Variants in XIRP2 observed in about 807,000 individuals in gnomAD.
The protein encoded by XIRP2 is xin actin-binding repeat-containing protein 2.
In XIRP2, 236 loss-of-function variants were observed where a neutral mutation model predicts 277.0. That is an observed-to-expected ratio of 0.85 (90% CI 0.77 to 0.95). The LOEUF is 0.95. Ranked by LOEUF, XIRP2 falls within the 40% of genes least tolerant of loss-of-function variation. The pLI, the probability that XIRP2 is intolerant of heterozygous loss-of-function variation, is 0.00. For missense variants in XIRP2, 4,640 were observed against 4,157.5 expected, an observed-to-expected ratio of 1.12 and a Z score of -3.19; for synonymous variants, 1,490 against 1,416.5, an observed-to-expected ratio of 1.05 and a Z score of -1.17.
In XIRP2 at chr2:167,248,102, C is replaced by T. The variant is rs986105046; in HGVS notation, c.6710C>T (p.Ala2237Val). The change falls in exon 9 of 11, where the codon GCA becomes GTA. Residue 2237 changes from alanine to valine, a missense_variant. By Grantham distance (64) the Ala-to-Val change is moderately conservative. Coordinates refer to ENST00000409195, the MANE Select transcript of XIRP2 (RefSeq NM_152381.6). ...VSEKSHNTFKATNKKRETDVH... is the reference protein window; with the variant it reads ...VSEKSHNTFKVTNKKRETDVH... ...GAAAAAAGTCACAATACATTTAAGG[C>T]AACCAACAAAAAGCGGGAGACTGAT... The T allele has an allele frequency of 2.5e-6, 4 of 1,613,010 alleles. No homozygotes were observed. Among genetic ancestry groups the T allele is most frequent in the Non-Finnish European group, 3.4e-6 (4 of 1,179,626 alleles).
Position 167,250,880 on chromosome 2 carries a change from C to T in XIRP2, c.9488C>T (p.Ser3163Phe). 1 of 1,613,044 alleles carries T rather than the reference C, an allele frequency of 6.2e-7. No individual in the cohort carries two copies. Among genetic ancestry groups the T allele is most frequent in the East Asian group, 2.2e-5 (1 of 44,772 alleles). ...CCAAGAAGGCCCATGTCGCAAAAAT[C>T]TGAAATTCACAGAGCAAACACTTCC... ...PPPRRPMSQK[S>F]EIHRANTSPS... Residue 3163 changes from serine to phenylalanine, a missense_variant, in exon 9 of 11, where the codon TCT (serine) becomes TTT (phenylalanine). By Grantham distance (155) the Ser-to-Phe change is radical. Coordinates refer to ENST00000409195, the MANE Select transcript of XIRP2 (RefSeq NM_152381.6).
At chr2:167,176,091 C>T (rs921198873) in intron 3 of XIRP2, among the ~76,000 whole-genome samples, 3 of 152,150 alleles carry the variant, frequency 2.0e-5, no homozygotes, top group Admixed American at 6.5e-5. Context: ...GACCACTTGG[C>T]TCCCTGGCTT....
Position 167,201,320 on chromosome 2 carries a change from C to CGAAGGAAG in XIRP2, c.563-9399_563-9392dup, listed in dbSNP as rs145180470. The stretch of plus-strand genomic sequence containing the variant: ...GGGAGGGAAGGAAGGAAGGAAAGAA[C>CGAAGGAAG]GAAGGAAGGAAGGAAGGAAGGAAAG... On this transcript the variant is annotated intron_variant, in intron 3 of 10. Coordinates refer to ENST00000409195, the MANE Select transcript of XIRP2 (RefSeq NM_152381.6). 7.3e-4 allele frequency among the ~76,000 whole-genome samples: 67 copies of CGAAGGAAG among 92,182 alleles called. 1 individual carries two copies. In the East Asian group the frequency reaches 8.9e-3, roughly 12 times the overall value. The allele number at this position is 92,182 out of a possible 152,430, so 60.5% of individuals were successfully genotyped here.
At position 167,246,347 on chromosome 2, in the gene XIRP2, A is replaced by G; in HGVS notation, c.4955A>G (p.Glu1652Gly). The change falls in exon 9 of 11, where the codon GAA (glutamate) becomes GGA (glycine). Residue 1652 changes from glutamate (E) to glycine (G), a missense_variant. Coordinates refer to ENST00000409195, the MANE Select transcript of XIRP2 (RefSeq NM_152381.6). ...TCAACTGAATTTCATGCTGAAAAAG[A>G]AGAGATAGTGAAAGGTGATGTACAA... ...NRSTEFHAEK[E>G]EIVKGDVQQA... 1 of 1,612,942 alleles carries G rather than the reference A, an allele frequency of 6.2e-7. No homozygotes were observed. Among genetic ancestry groups the G allele is most frequent in the Middle Eastern group, 1.7e-4 (1 of 6,052 alleles).
At chr2:167,096,457 G>T (rs1380763589) in intron 2 of XIRP2, among the ~76,000 whole-genome samples, 1 of 151,714 alleles carries the variant, frequency 6.6e-6, no homozygotes, top group Non-Finnish European at 1.5e-5. Flanking sequence ...TTATTAGTCT[G>T]GTTAGTGGTC....
intron 3 of XIRP2, among the ~76,000 whole-genome samples, chr2:167,200,697 T>C (rs1221080763): frequency 1.3e-5 from 2 of 152,220 alleles, no homozygotes; most frequent in African/African-American, 4.8e-5. Flanking sequence ...TATTCTTTTT[T>C]TTTCCTCTTC....
chr2:167,249,875 T>C lies in XIRP2; in HGVS notation c.8483T>C (p.Ile2828Thr), dbSNP rs1695416150. 3.1e-6 allele frequency: 5 copies of C among 1,613,400 alleles called. No homozygotes were observed. Among genetic ancestry groups the C allele is most frequent in the Non-Finnish European group, 4.2e-6 (5 of 1,179,704 alleles). Residue 2828 changes from isoleucine (I) to threonine (T), a missense_variant, in exon 9 of 11, where the codon ATT becomes ACT. By Grantham distance (89) the Ile-to-Thr change is moderately conservative. Transcript: ENST00000409195. ...GAAAAAAATCAGGGACCATCAATGATTGGTCGAAAAGAAGAGAGATTAATA... is the reference window on the plus strand; with the variant it reads ...GAAAAAAATCAGGGACCATCAATGACTGGTCGAAAAGAAGAGAGATTAATA... ...SEEKNQGPSM[I>T]GRKEERLITE...
chr2:167,181,568 T>C (rs1424900289), intron 3 of XIRP2, among the ~76,000 whole-genome samples: 1 of 149,226 alleles, frequency 6.7e-6, no homozygotes, highest in Admixed American at 6.6e-5. Context: ...AAGAAGCCTA[T>C]CAAGAACATC....
chr2:167,055,959 G>A (rs1343171238), intron 2 of XIRP2, among the ~76,000 whole-genome samples: 1 of 152,090 alleles, frequency 6.6e-6, no homozygotes, highest in Non-Finnish European at 1.5e-5. Flanking sequence ...TTATAATTAT[G>A]TAATGTACCC....
chr2:167,114,605 C>A (rs1241989542), intron 2 of XIRP2, among the ~76,000 whole-genome samples: 1 of 151,730 alleles, frequency 6.6e-6, no homozygotes, highest in African/African-American at 2.4e-5. Flanking sequence ...TTCCCCCCAC[C>A]CCACAACAGT....
chr2:166,935,032 GAAA>G (rs11372574), intron 2 of XIRP2, among the ~76,000 whole-genome samples: 3 of 144,652 alleles, frequency 2.1e-5, no homozygotes, highest in Admixed American at 6.8e-5. Flanking sequence ...CTCCTTCTCA[GAAA>G]AAAAAAAAGC....
chr2:167,219,932 C>A (rs1264853002), intron 5 of XIRP2, among the ~76,000 whole-genome samples: 1 of 152,080 alleles, frequency 6.6e-6, no homozygotes, highest in Non-Finnish European at 1.5e-5. Flanking sequence ...AGAAAACCCC[C>A]CAAAAATGGC....
intron 2 of XIRP2, among the ~76,000 whole-genome samples, chr2:166,947,164 C>CA (rs926243516): frequency 3.3e-5 from 5 of 151,608 alleles, no homozygotes; most frequent in South Asian, 2.1e-4. Flanking sequence ...ATTATGTTTT[C>CA]AAAAAAAAGG....
intron 2 of XIRP2, among the ~76,000 whole-genome samples, chr2:166,946,962 A>G (rs1685891906): frequency 6.6e-6 from 1 of 152,132 alleles, no homozygotes. Flanking sequence ...AGATATGTGA[A>G]ATAGTTCAAA....
At chr2:166,912,423 G>A (rs948795860) in intron 2 of XIRP2, among the ~76,000 whole-genome samples, 1 of 151,986 alleles carries the variant, frequency 6.6e-6, no homozygotes, top group Non-Finnish European at 1.5e-5. Context: ...TTGTGCATTC[G>A]TCACATAGTT....
chr2:166,927,644 A>G (rs370646686), intron 2 of XIRP2, among the ~76,000 whole-genome samples: 42 of 152,222 alleles, frequency 2.8e-4, no homozygotes, highest in African/African-American at 9.9e-4. Context: ...CAGTGGGACA[A>G]CCAAGATCAT....
chr2:167,116,300 T>C (rs1404202964), intron 2 of XIRP2, among the ~76,000 whole-genome samples: 9 of 152,190 alleles, frequency 5.9e-5, no homozygotes, highest in Non-Finnish European at 1.3e-4. Flanking sequence ...GTTGTTGCTT[T>C]ACATATTTTG....
In XIRP2 at chr2:167,065,311, C is replaced by T. The variant is rs922184192; in HGVS notation, c.409-70598C>T. 5.3e-5 allele frequency among the ~76,000 whole-genome samples: 8 copies of T among 151,636 alleles called. No homozygotes were observed. The East Asian group carries it at 9.6e-4, about 18-fold the overall frequency. ...CCATTTGTATACTTATTTAAAGAAA[C>T]GTCTATTCAACTCCTTTGCCCATTT... On this transcript the variant is annotated intron_variant, in intron 2 of 10. Transcript: ENST00000409195.
intron 3 of XIRP2, among the ~76,000 whole-genome samples, chr2:167,179,939 A>G (rs151141334): frequency 1.3e-4 from 20 of 152,298 alleles, no homozygotes; most frequent in African/African-American, 4.1e-4. Context: ...GGGCCACTGC[A>G]CCTGATCAGA....
Sources: gnomAD v4.1 joint callset for allele counts (sites outside exome capture counted in the v4.1 genomes callset) on GRCh38, gnomAD v4.1.1 for gene constraint, MANE v1.5 for transcripts, NCBI Gene and HGNC (gene_info 2026-07-23, HGNC 2026-07-21) for gene names.